PPM1L: variants seen among roughly 807,000 people sequenced by gnomAD.
The protein encoded by PPM1L is protein phosphatase 1L.
In PPM1L, 13 loss-of-function variants were observed where a neutral mutation model predicts 31.4. The observed-to-expected ratio is 0.41, with a 90% confidence interval of 0.27 to 0.66. The LOEUF is 0.66. Ranked by LOEUF, PPM1L falls within the 30% of genes least tolerant of loss-of-function variation. The pLI is 0.29. For missense variants in PPM1L, 326 were observed against 453.7 expected (o/e 0.72, Z 2.56); for synonymous variants, 184 against 175.4 (o/e 1.05, Z -0.39).
intron 1 of PPM1L, among the ~76,000 whole-genome samples, chr3:160,791,341 G>C (rs564316251): frequency 6.6e-6 from 1 of 152,136 alleles, no homozygotes; most frequent in Non-Finnish European, 1.5e-5. Context: ...TCTGAAAATA[G>C]TAAGTAGGGA....
rs1360956984 is a variant in PPM1L, at chr3:160,970,787, A to ATTCTT, written c.574+8879_574+8880insCTTTT. On this transcript the variant is annotated intron_variant, in intron 2 of 3. Coordinates refer to ENST00000498165, the MANE Select transcript of PPM1L (RefSeq NM_139245.4). ...CAAGCTGATTTTAATTTCAGTTATA[A>ATTCTT]TTTTTTTTTTTTTTTTTTTTTTGAG... Among the ~76,000 whole-genome samples the ATTCTT allele has an allele frequency of 3.3e-3, 320 of 97,162 alleles. 49 individuals are homozygous for ATTCTT. Among genetic ancestry groups the ATTCTT allele is most frequent in the Middle Eastern group, 9.1e-3 (1 of 110 alleles). 63.7% of individuals were successfully genotyped at this position (97,162 alleles called of 152,430 possible).
chr3:161,007,640 A>T (rs1402621826), intron 2 of PPM1L, among the ~76,000 whole-genome samples: 1 of 152,128 alleles, frequency 6.6e-6, no homozygotes, highest in Non-Finnish European at 1.5e-5. Context: ...ATTATGATTT[A>T]TTTATTTTTT....
At chr3:161,055,911 C>A (rs1719396801) in intron 2 of PPM1L, among the ~76,000 whole-genome samples, 2 of 152,168 alleles carry the variant, frequency 1.3e-5, no homozygotes, top group African/African-American at 4.8e-5. Flanking sequence ...TGTGCATTAT[C>A]AAGCAAGGCT....
At chr3:160,757,622 G>A (rs1236955651) in intron 1 of PPM1L, among the ~76,000 whole-genome samples, 1 of 152,262 alleles carries the variant, frequency 6.6e-6, no homozygotes. Flanking sequence ...GGCAAAGTGA[G>A]AGGCAAATGT....
chr3:160,914,186 A>G (rs1040125236), intron 1 of PPM1L, among the ~76,000 whole-genome samples: 1 of 152,194 alleles, frequency 6.6e-6, no homozygotes, highest in Admixed American at 6.5e-5. Flanking sequence ...GGTGACTACT[A>G]ATATGCTTGG....
chr3:160,902,147 T>C (rs1000316958), intron 1 of PPM1L, among the ~76,000 whole-genome samples: 1 of 152,134 alleles, frequency 6.6e-6, no homozygotes, highest in Non-Finnish European at 1.5e-5. Flanking sequence ...AAATTAAGCA[T>C]TTTTCTGTTT....
intron 2 of PPM1L, among the ~76,000 whole-genome samples, chr3:160,988,026 T>C (rs945815105): frequency 2.0e-5 from 3 of 152,070 alleles, no homozygotes; most frequent in South Asian, 2.1e-4. Context: ...GAGTTAACGA[T>C]TGAGAAGGAA....
At chr3:160,945,180 A>G (rs1045285335) in intron 1 of PPM1L, among the ~76,000 whole-genome samples, 3 of 145,964 alleles carry the variant, frequency 2.1e-5, no homozygotes, top group Admixed American at 6.9e-5. Flanking sequence ...TAGTTTGGCC[A>G]TCCATCTGTA....
At chr3:160,849,089 G>A (rs1345262831) in intron 1 of PPM1L, among the ~76,000 whole-genome samples, 1 of 152,122 alleles carries the variant, frequency 6.6e-6, no homozygotes, top group East Asian at 1.9e-4. Context: ...AGTAATCCAG[G>A]ACTTGTCAGT....
intron 1 of PPM1L, among the ~76,000 whole-genome samples, chr3:160,797,154 GCTTA>G (rs1342964438): frequency 2.0e-5 from 3 of 152,084 alleles, no homozygotes; most frequent in Non-Finnish European, 4.4e-5. Context: ...AACAGCTTGT[GCTTA>G]CTTCTTGTCT....
chr3:160,945,674 C>A (rs1292480511), intron 1 of PPM1L, among the ~76,000 whole-genome samples: 1 of 151,922 alleles, frequency 6.6e-6, no homozygotes, highest in Non-Finnish European at 1.5e-5. Context: ...TATAGTTGAC[C>A]CTTGAACAAC....
At chr3:160,794,864 T>A (rs1415304613) in intron 1 of PPM1L, among the ~76,000 whole-genome samples, 1 of 152,180 alleles carries the variant, frequency 6.6e-6, no homozygotes. Flanking sequence ...TGTCCTGGGC[T>A]GCATGTGGCC....
chr3:160,982,456 C>G (rs949891611), intron 2 of PPM1L, among the ~76,000 whole-genome samples: 1 of 152,028 alleles, frequency 6.6e-6, no homozygotes, highest in African/African-American at 2.4e-5. Flanking sequence ...TTGTTTTTCT[C>G]TTTGTTTCCT....
At chr3:160,974,681 T>C (rs1251022502) in intron 2 of PPM1L, among the ~76,000 whole-genome samples, 34 of 149,272 alleles carry the variant, frequency 2.3e-4, no homozygotes, top group African/African-American at 7.7e-4. Context: ...TTTTGAGAAG[T>C]GTCTGTTCAT....
At chr3:160,893,899 C>G (rs1415183241) in intron 1 of PPM1L, among the ~76,000 whole-genome samples, 2 of 152,034 alleles carry the variant, frequency 1.3e-5, no homozygotes, top group African/African-American at 4.8e-5. Context: ...TTGATTTTTT[C>G]CTAGACTAGG....
chr3:161,008,833 A>G (rs1717795298), intron 2 of PPM1L, among the ~76,000 whole-genome samples: 1 of 152,240 alleles, frequency 6.6e-6, no homozygotes, highest in African/African-American at 2.4e-5. Context: ...TAAATCAGAC[A>G]TGCAAAGTTG....
chr3:160,762,315 T>C (rs1306007071), intron 1 of PPM1L, among the ~76,000 whole-genome samples: 3 of 152,212 alleles, frequency 2.0e-5, no homozygotes, highest in Admixed American at 2.0e-4. Flanking sequence ...AATTTTTTTT[T>C]CAATGAAACC....
intron 2 of PPM1L, among the ~76,000 whole-genome samples, chr3:161,019,300 T>G (rs1184492996): frequency 6.9e-6 from 1 of 144,880 alleles, no homozygotes; most frequent in African/African-American, 2.5e-5. Context: ...TTCAAGTGAT[T>G]CTCCCACCTC....
chr3:160,795,003 C>T (rs112277412), intron 1 of PPM1L, among the ~76,000 whole-genome samples: 4,065 of 152,128 alleles, frequency 0.027, 187 homozygotes, highest in African/African-American at 0.093. Context: ...TGACTGAGCC[C>T]ATATTTGCCT....
Sources: gnomAD v4.1 joint callset for allele counts (sites outside exome capture counted in the v4.1 genomes callset) on GRCh38, gnomAD v4.1.1 for gene constraint, MANE v1.5 for transcripts, NCBI Gene and HGNC (gene_info 2026-07-23, HGNC 2026-07-21) for gene names.